Variants in DAB1 observed in about 807,000 individuals in gnomAD.
DAB1 encodes the protein DAB adaptor protein 1.
Under a neutral mutation model 64.6 loss-of-function variants are expected in DAB1, and 15 were observed. The ratio of observed to expected loss-of-function variants is 0.23; its 90% CI spans 0.16 to 0.36. The LOEUF is 0.36. DAB1 is among the 10% of genes least tolerant of loss of function. The pLI is 1.00. For synonymous variants in DAB1, 235 were observed against 251.9 expected, an observed-to-expected ratio of 0.93 and a Z score of 0.64; for missense variants, 596 against 706.7, an observed-to-expected ratio of 0.84 and a Z score of 1.78.
At chr1:57,562,992 A>G (rs1278561889) in intron 7 of DAB1, among the ~76,000 whole-genome samples, 1 of 152,202 alleles carries the variant, frequency 6.6e-6, no homozygotes, top group African/African-American at 2.4e-5. Context: ...GGCGTCTCTT[A>G]GTATTACCAT....
At chr1:58,249,958 C>G (rs985356550) in intron 4 of DAB1, among the ~76,000 whole-genome samples, 2 of 152,216 alleles carry the variant, frequency 1.3e-5, no homozygotes, top group African/African-American at 4.8e-5. Context: ...CGCCAAGTGC[C>G]GCAGGCAGCC....
At chr1:58,540,058 G>A (rs1190894561) in intron 1 of DAB1, among the ~76,000 whole-genome samples, 2 of 152,076 alleles carry the variant, frequency 1.3e-5, no homozygotes, top group East Asian at 3.9e-4. Flanking sequence ...AGATTGCAGG[G>A]AATAATATAC....
intron 1 of DAB1, among the ~76,000 whole-genome samples, chr1:57,318,018 T>C (rs1308766954): frequency 6.6e-6 from 1 of 152,098 alleles, no homozygotes; most frequent in Non-Finnish European, 1.5e-5. Flanking sequence ...TGTATCTAAG[T>C]TCATTTGAAT....
At chr1:57,129,380 C>T (rs1216597676) in intron 4 of DAB1, among the ~76,000 whole-genome samples, 9 of 152,050 alleles carry the variant, frequency 5.9e-5, no homozygotes, top group Non-Finnish European at 1.3e-4. Flanking sequence ...ACACTAACCA[C>T]ACAGAGACCC....
chr1:58,375,396 G>C (rs907872845), intron 3 of DAB1, among the ~76,000 whole-genome samples: 8 of 136,216 alleles, frequency 5.9e-5, no homozygotes, highest in African/African-American at 2.0e-4. Context: ...ATGAAGGGTT[G>C]TTGAATTTTG....
At chr1:57,131,695 T>A (rs77872167) in intron 4 of DAB1, among the ~76,000 whole-genome samples, 3 of 152,200 alleles carry the variant, frequency 2.0e-5, no homozygotes, top group Non-Finnish European at 4.4e-5. Context: ...GAATAAATTA[T>A]TAAATCAGCC....
chr1:58,207,428 A>AAAGCAATGTGCTCAGC (rs1490291664), intron 4 of DAB1, among the ~76,000 whole-genome samples: 1 of 152,206 alleles, frequency 6.6e-6, no homozygotes, highest in Non-Finnish European at 1.5e-5. Flanking sequence ...TGCTGCTTAG[A>AAAGCAATGTGCTCAGC]AAGCAATGTG....
intron 1 of DAB1, among the ~76,000 whole-genome samples, chr1:57,870,098 T>G (rs995236331): frequency 6.6e-6 from 1 of 152,088 alleles, no homozygotes; most frequent in South Asian, 2.1e-4. Flanking sequence ...CTCTGTATAA[T>G]GGGGGCAATC....
At chr1:58,044,054 T>A (rs1362601074) in intron 5 of DAB1, among the ~76,000 whole-genome samples, 1 of 152,232 alleles carries the variant, frequency 6.6e-6, no homozygotes, top group Non-Finnish European at 1.5e-5. Context: ...GCATTGTAGA[T>A]GTGTCAATTA....
At chr1:58,540,509 GA>G (rs1331826866) in intron 1 of DAB1, among the ~76,000 whole-genome samples, 2 of 151,236 alleles carry the variant, frequency 1.3e-5, no homozygotes, top group Non-Finnish European at 2.9e-5. Context: ...GAAGCTAAAG[GA>G]AAATATGAGC....
chr1:57,232,419 A>G (rs1403543150), intron 2 of DAB1, among the ~76,000 whole-genome samples: 1 of 151,862 alleles, frequency 6.6e-6, no homozygotes, highest in Non-Finnish European at 1.5e-5. Flanking sequence ...TATTCAACAT[A>G]TATTTACTAT....
At chr1:58,526,048 T>C (rs1421580098) in intron 2 of DAB1, among the ~76,000 whole-genome samples, 3 of 152,072 alleles carry the variant, frequency 2.0e-5, no homozygotes, top group African/African-American at 4.8e-5. Context: ...ATTTTAAAAA[T>C]AGTAAAGTTT....
chr1:58,328,150 C>T (rs1174448697), intron 4 of DAB1, among the ~76,000 whole-genome samples: 3 of 152,248 alleles, frequency 2.0e-5, no homozygotes, highest in Non-Finnish European at 4.4e-5. Context: ...TCTGCCCAAC[C>T]CTGCTTCCTC....
chr1:58,325,761 G>A (rs1433058179), intron 4 of DAB1, among the ~76,000 whole-genome samples: 1 of 152,174 alleles, frequency 6.6e-6, no homozygotes, highest in Non-Finnish European at 1.5e-5. Context: ...TGATTCTTTT[G>A]AGACCTGGCT....
In DAB1 at chr1:57,680,945, T is replaced by A. The variant is rs538684204; in HGVS notation, n.552-31280A>T. Among the ~76,000 whole-genome samples the A allele has an allele frequency of 1.0e-3, 155 of 152,224 alleles. 5 individuals carry two copies. The highest frequency in any genetic ancestry group is 4.0e-4 in the Non-Finnish European group (27 of 68,030). ...TGTAGGTCACATCAGTATCTCTGAA[T>A]GGAATGCTTAGCAAGTTCTTGATCA... On this transcript the variant is annotated intron_variant and non_coding_transcript_variant, in intron 6 of 20. Coordinates refer to the DAB1 transcript ENST00000485760.
intron 5 of DAB1, among the ~76,000 whole-genome samples, chr1:57,946,211 T>C (rs1224123025): frequency 6.6e-6 from 1 of 152,210 alleles, no homozygotes; most frequent in Non-Finnish European, 1.5e-5. Flanking sequence ...AAGTCACAGA[T>C]GCCTTTATCA....
At chr1:57,017,407 G>A (rs1300550783) in intron 11 of DAB1, among the ~76,000 whole-genome samples, 1 of 152,148 alleles carries the variant, frequency 6.6e-6, no homozygotes, top group Non-Finnish European at 1.5e-5. Flanking sequence ...ATGACATTAT[G>A]AGTCATCTCA....
At chr1:57,343,685 C>T (rs1225547226) in intron 1 of DAB1, among the ~76,000 whole-genome samples, 1 of 152,106 alleles carries the variant, frequency 6.6e-6, no homozygotes, top group East Asian at 1.9e-4. Flanking sequence ...CCGGTGGGGC[C>T]GGCCGGCCGC....
intron 4 of DAB1, among the ~76,000 whole-genome samples, chr1:57,129,218 C>G (rs949611502): frequency 2.0e-5 from 3 of 152,118 alleles, no homozygotes; most frequent in African/African-American, 7.2e-5. Flanking sequence ...TGTAACATCC[C>G]TTTTCCCCTG....
Sources: allele counts gnomAD v4.1 joint callset (sites outside exome capture counted in the v4.1 genomes callset), GRCh38; gene constraint gnomAD v4.1.1; transcripts MANE v1.5; gene names NCBI Gene and HGNC (gene_info 2026-07-23, HGNC 2026-07-21).